CSMD1: variants seen among roughly 807,000 people sequenced by gnomAD.
CSMD1 encodes CUB and sushi domain-containing protein 1.
A neutral mutation model predicts 417.5 loss-of-function variants in CSMD1; 213 were observed. The observed-to-expected ratio is 0.51, with a 90% CI of 0.46 to 0.57. The LOEUF is 0.57. Among genes scored for constraint, CSMD1 ranks in the 20% least tolerant of loss-of-function variants. The pLI is 0.00. For synonymous variants in CSMD1, 2,862 were observed against 1,736.8 expected (o/e 1.65, Z -16.11); for missense variants, 6,923 against 4,529.7 (o/e 1.53, Z -15.17).
chr8:3,181,280 A>AT, intron 36 of CSMD1, 66 bp from the exon 37 acceptor site: 1 of 1,056,374 alleles, frequency 9.5e-7, no homozygotes. Context: ...AATATAAAAC[A>AT]TATGAGAATA....
At chr8:2,979,896 A>G (rs1397072030) in intron 54 of CSMD1, among the ~76,000 whole-genome samples, 1 of 152,236 alleles carries the variant, frequency 6.6e-6, no homozygotes, top group African/African-American at 2.4e-5. Context: ...ACATGCCCCT[A>G]CAGGGCATGT....
At chr8:3,059,625 G>A (rs1483744060) in intron 49 of CSMD1, among the ~76,000 whole-genome samples, 1 of 152,102 alleles carries the variant, frequency 6.6e-6, no homozygotes, top group East Asian at 1.9e-4. Flanking sequence ...TTTGTGACCT[G>A]ATAAAACCCT....
rs151084523 is a variant in CSMD1 at position 3,644,654 on chromosome 8, C to T, written c.1010-27857G>A. Among the ~76,000 whole-genome samples the T allele has an allele frequency of 1.9e-3, 296 of 152,180 alleles. 1 individual carries two copies. The East Asian group carries it at 0.02, about 10-fold the overall frequency. On this transcript the variant is annotated intron_variant, in intron 7 of 69. Transcript: ENST00000635120. ...CCCCTATTACCTTCAGTAAAGAGGG[C>T]AGCAGGTTCAAGTGGCTGAAGAAGA...
At chr8:4,734,464 C>G (rs894877048) in intron 1 of CSMD1, among the ~76,000 whole-genome samples, 3 of 151,972 alleles carry the variant, frequency 2.0e-5, no homozygotes, top group African/African-American at 7.2e-5. Flanking sequence ...TGACTAATAA[C>G]TTTTCTTGTG....
intron 50 of CSMD1, among the ~76,000 whole-genome samples, chr8:3,043,072 T>A (rs1204752248): frequency 6.6e-6 from 1 of 150,612 alleles, no homozygotes; most frequent in Admixed American, 6.6e-5. Flanking sequence ...AGTACTATAA[T>A]GCATATAGTA....
In CSMD1 at chr8:3,334,684, G is replaced by C. The variant is rs28685081; in HGVS notation, c.3631+8610C>G. Among the ~76,000 whole-genome samples, 849 of 152,306 alleles carry C rather than the reference G, an allele frequency of 5.6e-3. 5 individuals carry two copies. Among genetic ancestry groups the C allele is most frequent in the African/African-American group, 0.02 (813 of 41,552 alleles). ...TTATTGTGGCAAAAACATAAATATGGAGCTGCAGTGCAAACGGCTGCAAAT... is the reference window on the plus strand; with the variant it reads ...TTATTGTGGCAAAAACATAAATATGCAGCTGCAGTGCAAACGGCTGCAAAT... On this transcript the variant is annotated intron_variant, in intron 23 of 69. Transcript: ENST00000635120.
At chr8:4,148,478 C>T (rs1372988892) in intron 3 of CSMD1, among the ~76,000 whole-genome samples, 1 of 151,946 alleles carries the variant, frequency 6.6e-6, no homozygotes, top group Non-Finnish European at 1.5e-5. Context: ...TGTAACGAAC[C>T]TGCACATTGT....
At chr8:4,533,694 G>C (rs1377306760) in intron 2 of CSMD1, among the ~76,000 whole-genome samples, 1 of 151,808 alleles carries the variant, frequency 6.6e-6, no homozygotes, top group African/African-American at 2.4e-5. Flanking sequence ...TCATCAAAAA[G>C]TTTACAAATG....
intron 6 of CSMD1, among the ~76,000 whole-genome samples, chr8:3,708,861 T>C (rs1207168650): frequency 6.6e-6 from 1 of 152,196 alleles, no homozygotes; most frequent in African/African-American, 2.4e-5. Flanking sequence ...TACAGAGTTG[T>C]CTAAGTTTGC....
At chr8:3,932,115 T>C (rs968698374) in intron 5 of CSMD1, among the ~76,000 whole-genome samples, 2 of 150,288 alleles carry the variant, frequency 1.3e-5, no homozygotes, top group African/African-American at 4.9e-5. Context: ...TTCTTGAAAG[T>C]AGATGATTTT....
intron 3 of CSMD1, among the ~76,000 whole-genome samples, chr8:4,097,518 C>A (rs1801081281): frequency 6.6e-6 from 1 of 152,118 alleles, no homozygotes; most frequent in Non-Finnish European, 1.5e-5. Context: ...CTTGTTGCCC[C>A]TGGTGTGTTC....
At chr8:4,374,134 G>A (rs1014225550) in intron 3 of CSMD1, among the ~76,000 whole-genome samples, 3 of 152,080 alleles carry the variant, frequency 2.0e-5, no homozygotes, top group African/African-American at 4.8e-5. Flanking sequence ...TGACCCATCA[G>A]CTGGATAAGT....
intron 57 of CSMD1, among the ~76,000 whole-genome samples, chr8:2,970,357 T>C (rs565433617): frequency 2.6e-5 from 4 of 152,344 alleles, no homozygotes; most frequent in African/African-American, 9.6e-5. Context: ...TGAATGGCCA[T>C]CTTTGATAGA....
At chr8:3,666,652 G>C (rs966858958) in intron 7 of CSMD1, among the ~76,000 whole-genome samples, 5 of 152,156 alleles carry the variant, frequency 3.3e-5, no homozygotes, top group Non-Finnish European at 7.3e-5. Context: ...CATGGGGGCA[G>C]TTTCCCCCAT....
At chr8:4,277,975 C>T (rs1034346665) in intron 3 of CSMD1, among the ~76,000 whole-genome samples, 1 of 152,084 alleles carries the variant, frequency 6.6e-6, no homozygotes, top group South Asian at 2.1e-4. Flanking sequence ...GTCTTGAACT[C>T]CTAACCTCGT....
chr8:3,197,443 C>G (rs987699379), intron 33 of CSMD1, among the ~76,000 whole-genome samples: 4 of 146,652 alleles, frequency 2.7e-5, no homozygotes, highest in African/African-American at 7.6e-5. Context: ...GAATATTTTT[C>G]TATAATATAG....
At chr8:4,772,358 G>A (rs541974157) in intron 1 of CSMD1, among the ~76,000 whole-genome samples, 192 of 152,234 alleles carry the variant, frequency 1.3e-3, no homozygotes, top group African/African-American at 4.6e-3. Context: ...TCCATTCAAA[G>A]AAAGTTCTCG....
chr8:3,140,605 G>A (rs968749127), intron 41 of CSMD1, among the ~76,000 whole-genome samples: 1 of 151,220 alleles, frequency 6.6e-6, no homozygotes, highest in African/African-American at 2.4e-5. Flanking sequence ...TTTTAGGTGA[G>A]ACTACACATA....
chr8:4,465,550 G>A (rs909921008), intron 2 of CSMD1, among the ~76,000 whole-genome samples: 4 of 152,264 alleles, frequency 2.6e-5, no homozygotes, highest in Admixed American at 6.5e-5. Context: ...TCTCAGAATG[G>A]AAGTCAAGTA....
Sources: gnomAD v4.1 joint callset for allele counts (sites outside exome capture counted in the v4.1 genomes callset) on GRCh38, gnomAD v4.1.1 for gene constraint, MANE v1.5 for transcripts, NCBI Gene and HGNC (gene_info 2026-07-23, HGNC 2026-07-21) for gene names.